NRXN2: variants seen among roughly 807,000 people sequenced by gnomAD.
The protein encoded by NRXN2 is neurexin 2.
In NRXN2, 29 loss-of-function variants were observed where a neutral mutation model predicts 128.8. That is an observed-to-expected ratio of 0.23 (90% CI 0.17 to 0.31). The LOEUF is 0.31. Among genes scored for constraint, NRXN2 ranks in the 10% least tolerant of loss-of-function variants. The pLI, the probability that NRXN2 is intolerant of heterozygous loss-of-function variation, is 1.00. For missense variants in NRXN2, 1,881 were observed against 2,452.6 expected (o/e 0.77, Z 4.92); for synonymous variants, 1,098 against 1,075.2 (o/e 1.02, Z -0.41).
intron 6 of NRXN2, among the ~76,000 whole-genome samples, chr11:64,677,316 C>T (rs1332498981): frequency 6.6e-6 from 1 of 151,964 alleles, no homozygotes; most frequent in Non-Finnish European, 1.5e-5. Context: ...TCTCCCCATC[C>T]CTACCCCGCC....
intron 9 of NRXN2, among the ~76,000 whole-genome samples, chr11:64,662,606 C>G (rs2049192463): frequency 6.6e-6 from 1 of 151,882 alleles, no homozygotes; most frequent in South Asian, 2.1e-4. Context: ...ACGGTGAAAC[C>G]CTGTCTCTAC....
chr11:64,635,265 C>A lies in NRXN2; in HGVS notation c.3585+6G>T. ...AGGTTGAAGGGTTGGGGCCCAGGGT[C>A]CTTACGATGTGCAGCTGCAGGTAGT... is the stretch of plus-strand genomic sequence containing the variant. On this transcript the variant is annotated splice_donor_region_variant and intron_variant, in intron 18 of 22. Transcript: ENST00000265459. The surrounding 1 kb of genome is among the most constrained non-coding windows in gnomAD (Gnocchi z 4.8). 1 of 1,611,974 alleles carries A rather than the reference C, an allele frequency of 6.2e-7. No homozygotes were observed. Among genetic ancestry groups the A allele is most frequent in the Non-Finnish European group, 8.5e-7 (1 of 1,179,858 alleles).
chr11:64,694,897 C>T (rs2054289486), intron 3 of NRXN2, among the ~76,000 whole-genome samples: 1 of 152,108 alleles, frequency 6.6e-6, no homozygotes, highest in African/African-American at 2.4e-5. Context: ...CACCCTCTGT[C>T]TCCCACAGGC....
At chr11:64,666,721 A>G (rs893580109) in intron 9 of NRXN2, among the ~76,000 whole-genome samples, 1 of 151,556 alleles carries the variant, frequency 6.6e-6, no homozygotes, top group African/African-American at 2.4e-5. Flanking sequence ...CCGCCACCAC[A>G]CCCAGCTAAT....
intron 5 of NRXN2, 24 bp from the exon 6 acceptor site, chr11:64,685,971 C>T (rs200564435): frequency 9.9e-6 from 16 of 1,613,868 alleles, no homozygotes; most frequent in East Asian, 8.9e-5. Context: ...TGTGGGGAAA[C>T]GGGAGAAGGC....
Position 64,622,928 on chromosome 11 carries a change from G to C in NRXN2, c.3998C>G (p.Thr1333Ser), listed in dbSNP as rs761903665. 6.2e-7 allele frequency: 1 copy of C among 1,613,280 alleles called. No individual in the cohort carries two copies. Among genetic ancestry groups the C allele is most frequent in the Non-Finnish European group, 8.5e-7 (1 of 1,179,864 alleles). ...CCCCACCAGGCGCAGGTGACCCTCAGTCCGCACATTGGGGTCGCTCTCGGC... is the reference window on the plus strand; with the variant it reads ...CCCCACCAGGCGCAGGTGACCCTCACTCCGCACATTGGGGTCGCTCTCGGC... ...LAAESDPNVR[T>S]EGHLRLVGEG... The change falls in exon 21 of 23, where the codon ACT becomes AGT. Residue 1333 changes from threonine to serine, a missense_variant. Thr to Ser is a moderately conservative substitution (Grantham distance 58, BLOSUM62 1). This residue lies in a region of NRXN2 where 108 missense variants were observed against 165.2 expected (regional missense o/e 0.65). Transcript: ENST00000265459. This position sits in a 1 kb window ranked among gnomAD's most constrained non-coding sequence, Gnocchi z 4.3.
chr11:64,650,436 C>T lies in NRXN2; in HGVS notation c.3109+12G>A, dbSNP rs879048089. The T allele has an allele frequency of 3.1e-6, 5 of 1,613,828 alleles. No individual in the cohort carries two copies. The highest frequency in any genetic ancestry group is 4.2e-6 in the Non-Finnish European group (5 of 1,179,910). On this transcript the variant is annotated intron_variant, in intron 15 of 22. Transcript: ENST00000265459. ...GCTAGGGCCAGGCCTTCTCCAGAGG[C>T]CCCAGCCCCACCTTTGAGATCGAGG...
chr11:64,701,945 A>T (rs1364088940), intron 2 of NRXN2, among the ~76,000 whole-genome samples: 5 of 119,332 alleles, frequency 4.2e-5, no homozygotes, highest in Non-Finnish European at 8.7e-5. Flanking sequence ...CCCGTCCAGG[A>T]GGGAGGTGGG....
chr11:64,630,206 C>T lies in NRXN2; in HGVS notation c.3757+196G>A, dbSNP rs2043680547. Among the ~76,000 whole-genome samples, 1 of 152,128 alleles carries T rather than the reference C, an allele frequency of 6.6e-6. No homozygotes were observed. Among genetic ancestry groups the T allele is most frequent in the South Asian group, 2.1e-4 (1 of 4,828 alleles). On this transcript the variant is annotated intron_variant, in intron 19 of 22. Coordinates refer to ENST00000265459, the MANE Select transcript of NRXN2 (RefSeq NM_015080.4). This position sits in a 1 kb window ranked among gnomAD's most constrained non-coding sequence, Gnocchi z 4.6. ...CACCACCACGGTCTCGCCCCGCCGC[C>T]ACAAATCCCGACTTTTCCTAGCCAC...
In NRXN2 at chr11:64,607,740, G is replaced by T. The variant is rs1227424784; in HGVS notation, c.4595C>A (p.Pro1532His). ...DRTTLLSPRK[P>H]APRPNLRTDG... ...TGTCCTGAGGTTGGGCCGGGGAGCGGGTTTGCGGGGTGACAGGAGGGTGGT... is the reference window on the plus strand; with the variant it reads ...TGTCCTGAGGTTGGGCCGGGGAGCGTGTTTGCGGGGTGACAGGAGGGTGGT... Residue 1532 changes from proline (P) to histidine (H), a missense_variant, in exon 23 of 23, where the codon CCC (proline) becomes CAC (histidine). This residue lies in a region of NRXN2 where 310 missense variants were observed against 318.2 expected (regional missense o/e 0.97). Transcript: ENST00000265459. The T allele has an allele frequency of 1.9e-5, 30 of 1,575,680 alleles. No homozygotes were observed. Among genetic ancestry groups the T allele is most frequent in the Non-Finnish European group, 2.5e-5 (29 of 1,161,050 alleles).
Position 64,650,082 on chromosome 11 carries a change from C to T in NRXN2, c.3109+366G>A, listed in dbSNP as rs184541012. On this transcript the variant is annotated intron_variant, in intron 15 of 22. Coordinates refer to ENST00000265459, the MANE Select transcript of NRXN2 (RefSeq NM_015080.4). Reference sequence around the variant, plus strand: ...TCTGCCCCATAGCGTCTACCTCACCCAGGAGGATGCTAAGCTCCCTATTCT... The same window carrying T: ...TCTGCCCCATAGCGTCTACCTCACCTAGGAGGATGCTAAGCTCCCTATTCT... Among the ~76,000 whole-genome samples, 1,190 of 152,162 alleles carry T rather than the reference C, an allele frequency of 7.8e-3. 26 individuals carry two copies. The highest frequency in any genetic ancestry group is 7.0e-3 in the Non-Finnish European group (479 of 67,994).
Position 64,713,634 on chromosome 11 carries a change from C to A in NRXN2, c.66G>T (p.Leu22=). The part of the protein sequence containing the change: ...PPLLLLLLLA[L]AARADGLEFG... ...ACTCCAGGCCGTCCGCGCGCGCCGCCAGCGCCAGCAGCAGCAGCAACAGCA... is the reference window on the plus strand; with the variant it reads ...ACTCCAGGCCGTCCGCGCGCGCCGCAAGCGCCAGCAGCAGCAGCAACAGCA... The change falls in exon 2 of 23, where the codon CTG becomes CTT. Residue 22 remains leucine, a synonymous_variant. Coordinates refer to ENST00000265459, the MANE Select transcript of NRXN2 (RefSeq NM_015080.4). 8.0e-7 allele frequency: 1 copy of A among 1,247,932 alleles called. No homozygotes were observed. Among genetic ancestry groups the A allele is most frequent in the South Asian group, 2.8e-5 (1 of 36,140 alleles). The allele number at this position is 1,247,932 out of a possible 1,614,324, so 77.3% of individuals were successfully genotyped here. A position where few individuals can be genotyped will look rare whatever the true frequency, so the allele number is the denominator to read the frequency against.
intron 1 of NRXN2, among the ~76,000 whole-genome samples, chr11:64,720,672 ATG>A (rs1202774608): frequency 1.7e-5 from 2 of 118,476 alleles, no homozygotes; most frequent in Non-Finnish European, 3.6e-5. Context: ...GTTAGCAAAC[ATG>A]TGCTGGTGTG....
intron 1 of NRXN2, among the ~76,000 whole-genome samples, chr11:64,716,174 A>C (rs973731312): frequency 3.9e-5 from 6 of 151,926 alleles, no homozygotes; most frequent in African/African-American, 1.5e-4. Flanking sequence ...CCACCTCCGG[A>C]CACTATTTTG....
At chr11:64,624,892 C>T (rs2042881671) in intron 20 of NRXN2, among the ~76,000 whole-genome samples, 1 of 152,198 alleles carries the variant, frequency 6.6e-6, no homozygotes, top group Non-Finnish European at 1.5e-5. Flanking sequence ...CAAGCATCCC[C>T]AGAACTTGTT....
intron 17 of NRXN2, among the ~76,000 whole-genome samples, chr11:64,643,641 G>C (rs909274719): frequency 6.7e-6 from 1 of 150,088 alleles, no homozygotes; most frequent in Non-Finnish European, 1.5e-5. Context: ...GGAGGAGGAG[G>C]GGGCAGGGCG....
chr11:64,701,923 C>G (rs564306583), intron 2 of NRXN2, among the ~76,000 whole-genome samples: 4 of 143,192 alleles, frequency 2.8e-5, no homozygotes, highest in Non-Finnish European at 6.2e-5. Flanking sequence ...AGCCCCCCGC[C>G]CGGCCAGCCG....
intron 1 of NRXN2, among the ~76,000 whole-genome samples, chr11:64,715,719 G>C (rs780293490): frequency 6.6e-6 from 1 of 152,118 alleles, no homozygotes; most frequent in Non-Finnish European, 1.5e-5. Flanking sequence ...TGAATGTCCT[G>C]CCCCAACACC....
In NRXN2 at chr11:64,648,605, G is replaced by T; in HGVS notation, c.3283+129C>A. Reference sequence around the variant, plus strand: ...GTATCCCTGCCCCAGAACTGTGGGGGCAAGCTCCCATAAGGCCTGAGAAGG... The same window carrying T: ...GTATCCCTGCCCCAGAACTGTGGGGTCAAGCTCCCATAAGGCCTGAGAAGG... On this transcript the variant is annotated intron_variant, in intron 16 of 22. Transcript: ENST00000265459. The surrounding 1 kb of genome is among the most constrained non-coding windows in gnomAD (Gnocchi z 4.1). 7.7e-7 allele frequency: 1 copy of T among 1,304,408 alleles called. No homozygotes were observed. Among genetic ancestry groups the T allele is most frequent in the Non-Finnish European group, 1.1e-6 (1 of 909,938 alleles). The allele number at this position is 1,304,408 out of a possible 1,614,324, so 80.8% of individuals were successfully genotyped here.
Sources: allele counts gnomAD v4.1 joint callset (sites outside exome capture counted in the v4.1 genomes callset), GRCh38; gene constraint gnomAD v4.1.1; regional missense constraint gnomAD v4.1.1; non-coding constraint Gnocchi (gnomAD v3.1); transcripts MANE v1.5; gene names NCBI Gene and HGNC (gene_info 2026-07-23, HGNC 2026-07-21).